The following DCC variants were observed in gnomAD, a reference collection of about 807,000 sequenced individuals.
The protein encoded by DCC is DCC netrin 1 receptor.
Under a neutral mutation model 172.5 loss-of-function variants are expected in DCC, and 58 were observed. That is an observed-to-expected ratio of 0.34 (90% CI 0.27 to 0.42). The LOEUF (loss-of-function observed/expected upper bound fraction) is 0.42. DCC is among the 10% of genes least tolerant of loss of function. The pLI is 1.00. For synonymous variants in DCC, 709 were observed against 644.5 expected (o/e 1.10, Z -1.52); for missense variants, 1,740 against 1,791.0 (o/e 0.97, Z 0.51).
intron 1 of DCC, among the ~76,000 whole-genome samples, chr18:52,589,905 G>A (rs914698502): frequency 1.3e-5 from 2 of 152,146 alleles, no homozygotes; most frequent in South Asian, 2.1e-4. Flanking sequence ...CTTATAAGGA[G>A]GAAAGAGAGA....
In DCC at chr18:52,752,319, A is replaced by C; in HGVS notation, c.357A>C (p.Ala119=). 1 of 1,614,228 alleles carries C rather than the reference A, an allele frequency of 6.2e-7. No individual in the cohort carries two copies. The highest frequency in any genetic ancestry group is 1.1e-5 in the South Asian group (1 of 91,086). The change falls in exon 2 of 29, where the codon GCA becomes GCC. Residue 119 remains alanine, a synonymous_variant. Coordinates refer to ENST00000442544, the MANE Select transcript of DCC (RefSeq NM_005215.4). ...ATGAGGGACTTTACCAATGTGAGGC[A>C]TCTTTAGGAGATTCTGGCTCAATTA... ...KPDEGLYQCE[A]SLGDSGSIIS... is the part of the protein sequence containing the mutation.
intron 2 of DCC, among the ~76,000 whole-genome samples, chr18:52,793,351 C>T (rs936894091): frequency 6.6e-6 from 1 of 152,152 alleles, no homozygotes; most frequent in African/African-American, 2.4e-5. Context: ...GCTTGCTTGT[C>T]TTTGAGGCTC....
rs560463073 is a variant in DCC, at chr18:52,961,987, C to T, written c.985+36617C>T. On this transcript the variant is annotated intron_variant, in intron 5 of 28. Transcript: ENST00000442544. ...ATGGATTAAAGACTTAAATGTTAGA[C>T]CTAAAACCATAAAAACCCTAGAAGA... is the stretch of plus-strand genomic sequence containing the variant. Among the ~76,000 whole-genome samples, 3 of 152,214 alleles carry T rather than the reference C, an allele frequency of 2.0e-5. No homozygotes were observed. In the East Asian group the frequency reaches 5.8e-4, roughly 29 times the overall value.
At position 53,521,781 on chromosome 18, in the gene DCC, A is replaced by C. The variant is rs1678725603; in HGVS notation, c.4112-4836A>C. On this transcript the variant is annotated intron_variant, in intron 27 of 28. Coordinates refer to ENST00000442544, the MANE Select transcript of DCC (RefSeq NM_005215.4). ...GCTGAGTTTCTTAAACATGTTTTTA[A>C]AATGAAAAATTTAAAATAAAATAAA... Among the ~76,000 whole-genome samples the C allele has an allele frequency of 2.0e-5, 3 of 152,144 alleles. No individual in the cohort carries two copies. In the South Asian group the frequency reaches 6.2e-4, roughly 31 times the overall value.
chr18:52,946,837 AG>A (rs747035294), intron 5 of DCC, among the ~76,000 whole-genome samples: 16 of 152,336 alleles, frequency 1.1e-4, no homozygotes, highest in Middle Eastern at 6.8e-3. Context: ...AGGGTAAGGC[AG>A]GTGAGGTGCA....
At chr18:53,095,028 A>G (rs147241184) in intron 7 of DCC, among the ~76,000 whole-genome samples, 2 of 152,316 alleles carry the variant, frequency 1.3e-5, no homozygotes, top group Non-Finnish European at 2.9e-5. Flanking sequence ...ATTAACTTCT[A>G]TTATCACAAT....
At chr18:52,820,616 C>T (rs570838992) in intron 2 of DCC, among the ~76,000 whole-genome samples, 5 of 152,050 alleles carry the variant, frequency 3.3e-5, no homozygotes, top group Admixed American at 3.3e-4. Context: ...CAGTATGATG[C>T]ATCCAACAAG....
chr18:52,921,840 G>T (rs1411532576), intron 3 of DCC, among the ~76,000 whole-genome samples: 1 of 151,732 alleles, frequency 6.6e-6, no homozygotes, highest in African/African-American at 2.4e-5. Flanking sequence ...AGATCTTGAT[G>T]TTTTTCACAG....
rs540802054 is a variant in DCC, at chr18:52,999,047, C to T, written c.986-64258C>T. ...TAACTGAACTCAGCTGTATTTGGGG[C>T]TATGGACACAGTGAGTATTCAACAG... On this transcript the variant is annotated intron_variant, in intron 5 of 28. Coordinates refer to ENST00000442544, the MANE Select transcript of DCC (RefSeq NM_005215.4). Among the ~76,000 whole-genome samples, 133 of 152,152 alleles carry T rather than the reference C, an allele frequency of 8.7e-4. 2 individuals carry two copies. In the South Asian group the frequency reaches 0.027, roughly 30 times the overall value.
At chr18:52,655,890 T>A (rs2035233508) in intron 1 of DCC, among the ~76,000 whole-genome samples, 1 of 151,562 alleles carries the variant, frequency 6.6e-6, no homozygotes, top group Non-Finnish European at 1.5e-5. Flanking sequence ...TGAGATCCCT[T>A]GGATAGCTAA....
chr18:52,587,680 T>C (rs1228229858), intron 1 of DCC, among the ~76,000 whole-genome samples: 1 of 152,182 alleles, frequency 6.6e-6, no homozygotes, highest in East Asian at 1.9e-4. Flanking sequence ...GTTCTGCCCA[T>C]TGGGAAGATT....
chr18:52,646,193 C>G (rs1199660097), intron 1 of DCC, among the ~76,000 whole-genome samples: 1 of 152,168 alleles, frequency 6.6e-6, no homozygotes, highest in Non-Finnish European at 1.5e-5. Flanking sequence ...TGTTTTATCC[C>G]AAGACTGCAA....
intron 2 of DCC, among the ~76,000 whole-genome samples, chr18:52,777,020 T>C (rs1395758614): frequency 6.6e-6 from 1 of 152,064 alleles, no homozygotes; most frequent in Non-Finnish European, 1.5e-5. Flanking sequence ...TTTGTGTGTG[T>C]TTTGATTTTG....
At chr18:52,666,944 G>A (rs536419792) in intron 1 of DCC, among the ~76,000 whole-genome samples, 27 of 152,142 alleles carry the variant, frequency 1.8e-4, no homozygotes, top group African/African-American at 6.3e-4. Flanking sequence ...ATATACATCT[G>A]TATATGTGTT....
chr18:53,137,323 C>T (rs1473510533), intron 7 of DCC, among the ~76,000 whole-genome samples: 1 of 152,196 alleles, frequency 6.6e-6, no homozygotes, highest in Non-Finnish European at 1.5e-5. Flanking sequence ...AATTCTTCTG[C>T]ATGTGGCCAT....
intron 12 of DCC, among the ~76,000 whole-genome samples, chr18:53,283,549 C>A (rs1444474223): frequency 6.6e-6 from 1 of 152,002 alleles, no homozygotes; most frequent in African/African-American, 2.4e-5. Context: ...GAAATAAAAA[C>A]CTGAACTAGA....
At chr18:52,671,299 G>A (rs542619496) in intron 1 of DCC, among the ~76,000 whole-genome samples, 139 of 152,182 alleles carry the variant, frequency 9.1e-4, no homozygotes, top group South Asian at 2.1e-3. Context: ...ACATGACTGA[G>A]TGTGTGACTG....
chr18:53,098,281 A>G (rs974085155), intron 7 of DCC, among the ~76,000 whole-genome samples: 7 of 152,134 alleles, frequency 4.6e-5, no homozygotes, highest in African/African-American at 1.7e-4. Context: ...TAGTAGAAAG[A>G]ATTCTTATGT....
intron 5 of DCC, among the ~76,000 whole-genome samples, chr18:52,983,699 G>A (rs1343520852): frequency 2.0e-5 from 3 of 152,156 alleles, no homozygotes; most frequent in African/African-American, 7.2e-5. Context: ...TCTTATTTCA[G>A]CATCTGTAGC....
Sources: gnomAD v4.1 joint callset for allele counts (sites outside exome capture counted in the v4.1 genomes callset) on GRCh38, gnomAD v4.1.1 for gene constraint, MANE v1.5 for transcripts, NCBI Gene and HGNC (gene_info 2026-07-23, HGNC 2026-07-21) for gene names.